Variants in USE1 observed in about 807,000 individuals in gnomAD.
The protein encoded by USE1 is vesicle transport protein USE1.
Under a neutral mutation model 37.6 loss-of-function variants are expected in USE1, and 32 were observed. The observed-to-expected ratio is 0.85, with a 90% confidence interval of 0.64 to 1.14. The LOEUF is 1.14. Ranked by LOEUF, USE1 falls within the 50% of genes most tolerant of loss-of-function variation. The pLI is 0.00. For synonymous variants in USE1, 149 were observed against 137.6 expected (o/e 1.08, Z -0.58); for missense variants, 310 against 332.2 (o/e 0.93, Z 0.52).
chr19:17,215,770 C>T (rs748701036), intron 1 of USE1, 32 bp from the exon 2 acceptor site: 2 of 1,584,812 alleles, frequency 1.3e-6, no homozygotes, highest in African/African-American at 1.4e-5. Flanking sequence ...ATGGGAAAGA[C>T]CCCCGGGTGA....
chr19:17,218,414 C>T (rs1364248104), intron 6 of USE1, 23 bp downstream of exon 6: 1 of 1,613,522 alleles, frequency 6.2e-7, no homozygotes, highest in Non-Finnish European at 8.5e-7. Context: ...GGCCCTGGGG[C>T]AGTAGTGGCA....
In USE1 at chr19:17,215,841, G is replaced by T; in HGVS notation, c.142G>T (p.Val48Phe). 1 of 1,609,514 alleles carries T rather than the reference G, an allele frequency of 6.2e-7. No homozygotes were observed. Among genetic ancestry groups the T allele is most frequent in the Non-Finnish European group, 8.5e-7 (1 of 1,178,232 alleles). ...ALEDMLQALK[V>F]HASKPASEVI... ...AGAGGACATGTTGCAGGCCCTGAAG[G>T]TCCACGCGAGGTGAGTGCAGGCAGC... Residue 48 changes from valine to phenylalanine, a missense_variant, in exon 2 of 8, where the codon GTC (valine) becomes TTC (phenylalanine). Val to Phe is a conservative substitution (Grantham distance 50). Transcript: ENST00000263897.
chr19:17,219,771 T>G lies in USE1; in HGVS notation c.738T>G (p.Ile246Met), dbSNP rs746134858. The G allele has an allele frequency of 6.2e-7, 1 of 1,610,480 alleles. No homozygotes were observed. The highest frequency in any genetic ancestry group is 8.5e-7 in the Non-Finnish European group (1 of 1,178,236). Residue 246 changes from isoleucine (I) to methionine (M), a missense_variant, in exon 8 of 8, where the codon ATT (isoleucine) becomes ATG (methionine). By Grantham distance (10) the Ile-to-Met change is conservative. Coordinates refer to ENST00000263897, the MANE Select transcript of USE1 (RefSeq NM_018467.4). ...AMLIIVCFIFISMILFIRIMP... is the reference protein window; with the variant it reads ...AMLIIVCFIFMSMILFIRIMP... ...TCATTATCGTCTGCTTCATCTTCAT[T>G]AGCATGATCCTCTTCATTCGAATCA...
chr19:17,216,381 G>A (rs755403152), intron 4 of USE1, 60 bp downstream of exon 4: 13 of 1,580,250 alleles, frequency 8.2e-6, no homozygotes, highest in Non-Finnish European at 1.1e-5. Context: ...TTCTATGCTT[G>A]TAGGCAGCCA....
intron 1 of USE1, 58 bp from the exon 2 acceptor site, chr19:17,215,744 C>CCCGGG: frequency 7.5e-7 from 1 of 1,336,262 alleles, no homozygotes; most frequent in Non-Finnish European, 1.0e-6. Context: ...GCCCCCCCGA[C>CCCGGG]TCCCATGATC....
chr19:17,215,716 C>T (rs2073284917), intron 1 of USE1, 86 bp from the exon 2 acceptor site: 1 of 1,261,124 alleles, frequency 7.9e-7, no homozygotes, highest in East Asian at 2.5e-5. Flanking sequence ...CGCTTGACCC[C>T]TCCCATTTGT....
Position 17,215,982 on chromosome 19 carries a change from T to C in USE1, c.153-10T>C, listed in dbSNP as rs1371785284. 1 of 1,598,238 alleles carries C rather than the reference T, an allele frequency of 6.3e-7. No homozygotes were observed. Among genetic ancestry groups the C allele is most frequent in the Non-Finnish European group, 8.5e-7 (1 of 1,172,286 alleles). Reference sequence around the variant, plus strand: ...GGACAGGTTTTGTTTTTCTTCTTCCTGCCTTCCAGCAAACCGGCCTCTGAG... The same window carrying C: ...GGACAGGTTTTGTTTTTCTTCTTCCCGCCTTCCAGCAAACCGGCCTCTGAG... On this transcript the variant is annotated splice_polypyrimidine_tract_variant and intron_variant, in intron 2 of 7. Transcript: ENST00000263897.
Position 17,216,202 on chromosome 19 carries a change from T to C in USE1, c.265T>C (p.Phe89Leu). 6.2e-7 allele frequency: 1 copy of C among 1,612,904 alleles called. No homozygotes were observed. The highest frequency in any genetic ancestry group is 8.5e-7 in the Non-Finnish European group (1 of 1,179,734). Reference sequence around the variant, plus strand: ...CTCAGAGAAAGCACTGGCCAACCAGTTCCTGGCCCCTGGCCGTGTGCCAAC... The same window carrying C: ...CTCAGAGAAAGCACTGGCCAACCAGCTCCTGGCCCCTGGCCGTGTGCCAAC... ...SSSEKALANQ[F>L]LAPGRVPTTA... is the part of the protein sequence containing the mutation. Residue 89 changes from phenylalanine to leucine, a missense_variant, in exon 4 of 8, where the codon TTC becomes CTC. Coordinates refer to ENST00000263897, the MANE Select transcript of USE1 (RefSeq NM_018467.4).
chr19:17,216,113 C>A (rs1442259997), intron 3 of USE1, 43 bp downstream of exon 3: 19 of 1,613,366 alleles, frequency 1.2e-5, no homozygotes, highest in Non-Finnish European at 1.6e-5. Flanking sequence ...CATCACCGCT[C>A]ACTTTGGTCC....
rs377426184 is a variant in USE1 at position 17,215,397 on chromosome 19, C to A, written c.-9C>A. On this transcript the variant is annotated 5_prime_UTR_variant, in exon 1 of 8. Coordinates refer to ENST00000263897, the MANE Select transcript of USE1 (RefSeq NM_018467.4). ...GCCGGCGGAAGGGGTGGTGTAGGGC[C>A]GGGCGATAATGGCGGCGTCGAGGCT... 2.6e-6 allele frequency: 4 copies of A among 1,554,540 alleles called. No homozygotes were observed. The highest frequency in any genetic ancestry group is 3.5e-6 in the Non-Finnish European group (4 of 1,150,368).
chr19:17,216,993 T>C (rs1468163226), intron 4 of USE1, among the ~76,000 whole-genome samples: 1 of 150,776 alleles, frequency 6.6e-6, no homozygotes, highest in African/African-American at 2.4e-5. Context: ...AAAAAAAATA[T>C]GAGTTGTCGT....
chr19:17,215,762 G>A, intron 1 of USE1, 40 bp from the exon 2 acceptor site: 2 of 1,577,190 alleles, frequency 1.3e-6, no homozygotes, highest in Non-Finnish European at 8.6e-7. Context: ...ATCAGGACAT[G>A]GGAAAGACCC....
At chr19:17,217,050 C>T (rs1206913149) in intron 4 of USE1, among the ~76,000 whole-genome samples, 1 of 151,910 alleles carries the variant, frequency 6.6e-6, no homozygotes, top group Non-Finnish European at 1.5e-5. Context: ...ATGGGATTTC[C>T]CCATGTCCTG....
chr19:17,215,392 AG>A lies in USE1; in HGVS notation c.-11del, dbSNP rs992115668. On this transcript the variant is annotated 5_prime_UTR_variant, in exon 1 of 8. Transcript: ENST00000263897. ...ATGGAGCCGGCGGAAGGGGTGGTGT[AG>A]GGCCGGGCGATAATGGCGGCGTCGA... 13 of 1,553,054 alleles carry A rather than the reference AG, an allele frequency of 8.4e-6. No homozygotes were observed. Among genetic ancestry groups the A allele is most frequent in the Non-Finnish European group, 1.1e-5 (13 of 1,149,674 alleles).
intron 1 of USE1, 121 bp from the exon 2 acceptor site, chr19:17,215,681 T>TC (rs1362916132): frequency 3.8e-5 from 14 of 369,408 alleles, no homozygotes; most frequent in South Asian, 1.7e-4. Flanking sequence ...ACTCCGCCCC[T>TC]CCCCCACTGG....
rs1254691347 is a variant in USE1, at chr19:17,219,385, C to G, written c.595C>G (p.Gln199Glu). ...AAQSVIKKDN[Q>E]TLSHSLKMAD... ...CCAGAGTGTCATCAAGAAGGACAAC[C>G]AGGTGTGGGGACTGGGGGAGCTCTC... The change falls in exon 7 of 8, where the codon CAG becomes GAG. Residue 199 changes from glutamine to glutamate, a missense_variant and splice_region_variant. Gln to Glu is a conservative substitution (Grantham distance 29). Transcript: ENST00000263897. 1.3e-6 allele frequency: 2 copies of G among 1,554,360 alleles called. No individual in the cohort carries two copies. Among genetic ancestry groups the G allele is most frequent in the Non-Finnish European group, 1.7e-6 (2 of 1,148,328 alleles).
Position 17,216,785 on chromosome 19 carries a change from C to T in USE1, c.384+464C>T, listed in dbSNP as rs568321861. Among the ~76,000 whole-genome samples the T allele has an allele frequency of 3.3e-5, 5 of 152,160 alleles. No individual in the cohort carries two copies. In the South Asian group the frequency reaches 1.0e-3, roughly 32 times the overall value. On this transcript the variant is annotated intron_variant, in intron 4 of 7. Coordinates refer to ENST00000263897, the MANE Select transcript of USE1 (RefSeq NM_018467.4). ...ATTTGAGGTCAGGAGTTAAGACCAGCCTGACCAACATGGAGAAACCCCGTC... is the reference window on the plus strand; with the variant it reads ...ATTTGAGGTCAGGAGTTAAGACCAGTCTGACCAACATGGAGAAACCCCGTC...
In USE1 at chr19:17,215,478, C is replaced by T. The variant is rs931893731; in HGVS notation, c.73C>T (p.Arg25Trp). ...SRCEAMAAEK[R>W]DPDEWRLEKY... The stretch of plus-strand genomic sequence containing the variant: ...CTGCGAGGCGATGGCAGCGGAGAAA[C>T]GGGACCCGGACGAGTGGCGCCTGGA... Residue 25 changes from arginine (R) to tryptophan (W), a missense_variant, in exon 1 of 8, where the codon CGG (arginine) becomes TGG (tryptophan). Coordinates refer to ENST00000263897, the MANE Select transcript of USE1 (RefSeq NM_018467.4). The T allele has an allele frequency of 1.9e-6, 3 of 1,564,040 alleles. No homozygotes were observed. Among genetic ancestry groups the T allele is most frequent in the Non-Finnish European group, 2.6e-6 (3 of 1,155,890 alleles).
Position 17,216,416 on chromosome 19 carries a change from G to T in USE1, c.384+95G>T, listed in dbSNP as rs951825957. The T allele has an allele frequency of 3.3e-6, 5 of 1,515,854 alleles. No homozygotes were observed. The African/African-American group carries it at 6.8e-5, about 21-fold the overall frequency. The allele number at this position is 1,515,854 out of a possible 1,614,324, so 93.9% of individuals were successfully genotyped here. A position where few individuals can be genotyped will look rare whatever the true frequency, so the allele number is the denominator to read the frequency against. On this transcript the variant is annotated intron_variant, in intron 4 of 7. Coordinates refer to ENST00000263897, the MANE Select transcript of USE1 (RefSeq NM_018467.4). ...AGAACCACAATACTGTCAGATACAGGAACCCTAAGGGGGTCCAGCAATCTC... is the reference window on the plus strand; with the variant it reads ...AGAACCACAATACTGTCAGATACAGTAACCCTAAGGGGGTCCAGCAATCTC...
Sources: allele counts gnomAD v4.1 joint callset (sites outside exome capture counted in the v4.1 genomes callset), GRCh38; gene constraint gnomAD v4.1.1; transcripts MANE v1.5; gene names NCBI Gene and HGNC (gene_info 2026-07-23, HGNC 2026-07-21).